PMP22: variants seen among roughly 807,000 people sequenced by gnomAD.
The protein encoded by PMP22 is peripheral myelin protein 22, also known as Charcot-Marie-Tooth neuropathy 1A (greatly reduced nerve conduction velocity, hereditary motor sensory neuropathy Ia).
A neutral mutation model predicts 18.9 loss-of-function variants in PMP22; 2 were observed. The ratio of observed to expected loss-of-function variants is 0.11; its 90% CI spans 0.04 to 0.33. The LOEUF (loss-of-function observed/expected upper bound fraction) is 0.33, where lower values mean the gene tolerates loss of function less well. Among genes scored for constraint, PMP22 ranks in the 10% least tolerant of loss-of-function variants. The pLI, the probability that PMP22 is intolerant of heterozygous loss-of-function variation, is 1.00. For synonymous variants in PMP22, 95 were observed against 89.2 expected, an observed-to-expected ratio of 1.07 and a Z score of -0.37; for missense variants, 169 against 202.2, an observed-to-expected ratio of 0.84 and a Z score of 1.00.
At chr17:15,248,198 G>A in intron 3 of PMP22, among the ~76,000 whole-genome samples, 1 of 152,188 alleles carries the variant, frequency 6.6e-6, no homozygotes, top group Non-Finnish European at 1.5e-5. Context: ...GGCTAACTTT[G>A]CCTATGATTC....
chr17:15,233,991 C>T (rs1393956008), intron 4 of PMP22, among the ~76,000 whole-genome samples: 3 of 152,162 alleles, frequency 2.0e-5, no homozygotes, highest in Admixed American at 1.3e-4. Context: ...ATCAGACGCA[C>T]GTTTTAGAAT....
intron 2 of PMP22, 42 bp downstream of exon 2, chr17:15,260,608 G>T: frequency 6.6e-7 from 1 of 1,507,486 alleles, no homozygotes; most frequent in African/African-American, 1.4e-5. Flanking sequence ...CCCAGATGGG[G>T]AAGGGCGGGC....
intron 3 of PMP22, among the ~76,000 whole-genome samples, chr17:15,245,535 T>C (rs936544698): frequency 3.9e-5 from 6 of 152,166 alleles, no homozygotes; most frequent in African/African-American, 1.2e-4. Context: ...ATATATTTTA[T>C]TGGGTTGTCA....
chr17:15,237,776 T>G (rs886463743), intron 4 of PMP22, among the ~76,000 whole-genome samples: 5 of 152,218 alleles, frequency 3.3e-5, no homozygotes, highest in African/African-American at 1.2e-4. Context: ...TAAAATGTAA[T>G]TTTTTTCACA....
At chr17:15,252,559 C>T (rs1397600101) in intron 3 of PMP22, among the ~76,000 whole-genome samples, 1 of 152,088 alleles carries the variant, frequency 6.6e-6, no homozygotes, top group African/African-American at 2.4e-5. Flanking sequence ...CAGGTACTGC[C>T]CTTAGACAAT....
chr17:15,239,385 T>C, intron 4 of PMP22, 86 bp downstream of exon 4: 2 of 1,477,344 alleles, frequency 1.4e-6, no homozygotes, highest in Non-Finnish European at 1.9e-6. Flanking sequence ...TCAGTCATTC[T>C]GAGGCCACAT....
At chr17:15,245,024 G>A (rs1433924389) in intron 3 of PMP22, among the ~76,000 whole-genome samples, 1 of 152,154 alleles carries the variant, frequency 6.6e-6, no homozygotes, top group Non-Finnish European at 1.5e-5. Context: ...GCTTCCACAT[G>A]CCCAGGAAAA....
chr17:15,258,856 G>A lies in PMP22; in HGVS notation c.178+238C>T. On this transcript the variant is annotated intron_variant, in intron 3 of 4. Transcript: ENST00000312280. This position sits in a 1 kb window ranked among gnomAD's most constrained non-coding sequence, Gnocchi z 4.1. ...AAGCATTATCCTAAGTGATCAGGAG[G>A]GCACTAAGGGCATGTCTCTAGGTAG... 3.5e-6 allele frequency: 2 copies of A among 578,414 alleles called. No individual in the cohort carries two copies. Among genetic ancestry groups the A allele is most frequent in the South Asian group, 1.9e-5 (1 of 52,512 alleles). The allele number at this position is 578,414 out of a possible 1,614,324, so 35.8% of individuals were successfully genotyped here. A position where few individuals can be genotyped will look rare whatever the true frequency, so the allele number is the denominator to read the frequency against.
intron 3 of PMP22, among the ~76,000 whole-genome samples, chr17:15,252,396 T>TTGCTGCTGCTGCTGC (rs111928632): frequency 1.3e-5 from 2 of 150,980 alleles, no homozygotes; most frequent in East Asian, 2.0e-4. Context: ...GAGTTTGCTG[T>TTGCTGCTGCTGCTGC]TGCTGCTGCT....
chr17:15,239,601 C>T lies in PMP22; in HGVS notation c.189G>A (p.Gln63=), dbSNP rs1394379949. 4 of 1,613,840 alleles carry T rather than the reference C, an allele frequency of 2.5e-6. No individual in the cohort carries two copies. Among genetic ancestry groups the T allele is most frequent in the Non-Finnish European group, 3.4e-6 (4 of 1,179,888 alleles). The change falls in exon 4 of 5, where the codon CAG becomes CAA. Residue 63 remains glutamine, a synonymous_variant. Transcript: ENST00000312280. ...CFSSSPNEWL[Q]SVQATMILSI... is the part of the protein sequence containing the mutation. ...ACAGGATCATGGTGGCCTGGACAGA[C>T]TGCAGCCATTCTGGGGGAAAGAGAC... is the stretch of plus-strand genomic sequence containing the variant.
intron 3 of PMP22, among the ~76,000 whole-genome samples, chr17:15,243,812 T>C (rs1027525614): frequency 4.0e-5 from 6 of 148,916 alleles, no homozygotes; most frequent in Non-Finnish European, 8.9e-5. Context: ...TAATAAAATG[T>C]ATTTTATTTA....
chr17:15,233,821 G>A (rs1322997846), intron 4 of PMP22, among the ~76,000 whole-genome samples: 3 of 152,174 alleles, frequency 2.0e-5, no homozygotes, highest in South Asian at 2.1e-4. Context: ...GAGCATAGAC[G>A]GGCGCTGAGT....
intron 4 of PMP22, among the ~76,000 whole-genome samples, chr17:15,238,762 A>C (rs879631900): frequency 1.2e-4 from 19 of 152,230 alleles, no homozygotes; most frequent in African/African-American, 4.1e-4. Context: ...AGTTTCTAGG[A>C]CTCTGCACAC....
chr17:15,256,502 G>A (rs548205227), intron 3 of PMP22, among the ~76,000 whole-genome samples: 38 of 152,178 alleles, frequency 2.5e-4, no homozygotes, highest in Admixed American at 2.0e-3. Flanking sequence ...TTAGCCAGGC[G>A]TGGTGTTGGG....
At chr17:15,235,299 C>A (rs1906702680) in intron 4 of PMP22, 1 of 717,394 alleles carries the variant, frequency 1.4e-6, no homozygotes, top group African/African-American at 1.7e-5. Context: ...CGAGGAAACA[C>A]AATTATCTAA....
chr17:15,236,771 G>A (rs1457495438), intron 4 of PMP22, among the ~76,000 whole-genome samples: 2 of 152,222 alleles, frequency 1.3e-5, no homozygotes, highest in East Asian at 1.9e-4. Flanking sequence ...AAGGGAACCA[G>A]GAACTCTCCA....
At chr17:15,238,455 T>G (rs539381495) in intron 4 of PMP22, among the ~76,000 whole-genome samples, 2 of 152,302 alleles carry the variant, frequency 1.3e-5, no homozygotes, top group African/African-American at 4.8e-5. Context: ...CTACATCCTT[T>G]GCCCTCTCAG....
chr17:15,245,405 C>T (rs79054836), intron 3 of PMP22, among the ~76,000 whole-genome samples: 1,570 of 152,282 alleles, frequency 0.01, 31 homozygotes, highest in African/African-American at 0.036. Flanking sequence ...CATTTATGTG[C>T]TCTGGTTAGG....
At chr17:15,263,772 A>G (rs1459497854) in intron 1 of PMP22, among the ~76,000 whole-genome samples, 1 of 152,222 alleles carries the variant, frequency 6.6e-6, no homozygotes, top group Non-Finnish European at 1.5e-5. Flanking sequence ...ATCTTTTTAA[A>G]ACTATCGTGT....
Sources: allele counts gnomAD v4.1 joint callset (sites outside exome capture counted in the v4.1 genomes callset), GRCh38; gene constraint gnomAD v4.1.1; non-coding constraint Gnocchi (gnomAD v3.1); transcripts MANE v1.5; gene names NCBI Gene and HGNC (gene_info 2026-07-23, HGNC 2026-07-21).